Variants in PGM5 observed in about 807,000 individuals in gnomAD.
PGM5 encodes the protein phosphoglucomutase 5.
A neutral mutation model predicts 59.2 loss-of-function variants in PGM5; 23 were observed. The observed-to-expected ratio is 0.39, with a 90% CI of 0.28 to 0.55. The LOEUF is 0.55. Among genes scored for constraint, PGM5 ranks in the 20% least tolerant of loss-of-function variants. The pLI is 0.66. For synonymous variants in PGM5, 214 were observed against 286.0 expected, an observed-to-expected ratio of 0.75 and a Z score of 2.54; for missense variants, 574 against 748.3, an observed-to-expected ratio of 0.77 and a Z score of 2.72.
intron 10 of PGM5, among the ~76,000 whole-genome samples, chr9:68,499,636 G>C (rs1215526560): frequency 6.6e-6 from 1 of 152,160 alleles, no homozygotes; most frequent in Admixed American, 6.5e-5. Flanking sequence ...TTGTTAATTG[G>C]GGTAAAGAAA....
intron 10 of PGM5, among the ~76,000 whole-genome samples, chr9:68,516,755 G>A (rs1336652515): frequency 2.0e-5 from 3 of 152,208 alleles, no homozygotes; most frequent in Non-Finnish European, 2.9e-5. Context: ...TTTGCTTTGT[G>A]ACGTCCACCA....
chr9:68,362,869 T>TTC (rs1177989909), intron 1 of PGM5, among the ~76,000 whole-genome samples: 1 of 141,324 alleles, frequency 7.1e-6, no homozygotes, highest in Non-Finnish European at 1.5e-5. Context: ...CTTTTTCTTT[T>TTC]TTTTTTTTTT....
chr9:68,394,974 A>G (rs1554679845), intron 6 of PGM5, among the ~76,000 whole-genome samples: 3 of 152,238 alleles, frequency 2.0e-5, no homozygotes, highest in East Asian at 3.9e-4. Context: ...TTAAATTTTG[A>G]TGAAGTCCAG....
At chr9:68,490,480 G>A (rs781891478) in intron 9 of PGM5, among the ~76,000 whole-genome samples, 12 of 152,072 alleles carry the variant, frequency 7.9e-5, no homozygotes, top group Non-Finnish European at 1.3e-4. Context: ...TCAGCCCCCC[G>A]AGTAGCTGGG....
At chr9:68,392,566 C>T (rs1822393267) in intron 6 of PGM5, 93 bp downstream of exon 6, 1 of 1,557,856 alleles carries the variant, frequency 6.4e-7, no homozygotes. Context: ...TCCCCTGCTC[C>T]ATTTGGGAAT....
intron 6 of PGM5, among the ~76,000 whole-genome samples, chr9:68,445,539 G>A (rs1212530094): frequency 3.3e-5 from 5 of 152,266 alleles, no homozygotes; most frequent in South Asian, 2.1e-4. Flanking sequence ...GGGCTCCACC[G>A]CCTGCATATT....
intron 6 of PGM5, among the ~76,000 whole-genome samples, chr9:68,436,783 A>G (rs782176136): frequency 2.0e-5 from 3 of 152,248 alleles, no homozygotes; most frequent in Non-Finnish European, 4.4e-5. Context: ...TTTACAGAAG[A>G]TGAAACCAGA....
chr9:68,408,829 G>A (rs528055226), intron 6 of PGM5, among the ~76,000 whole-genome samples: 1 of 152,106 alleles, frequency 6.6e-6, no homozygotes, highest in Non-Finnish European at 1.5e-5. Context: ...TATTAAATAG[G>A]GAATCCTTTC....
At chr9:68,385,708 G>A (rs1554678795) in intron 3 of PGM5, among the ~76,000 whole-genome samples, 1 of 152,078 alleles carries the variant, frequency 6.6e-6, no homozygotes. Context: ...ATTACATATG[G>A]TTGGAAGGAC....
intron 7 of PGM5, among the ~76,000 whole-genome samples, chr9:68,465,548 C>T (rs562959351): frequency 3.3e-5 from 5 of 152,198 alleles, no homozygotes; most frequent in East Asian, 1.9e-4. Flanking sequence ...TACCCTCATC[C>T]GCAGGGGAAC....
intron 6 of PGM5, among the ~76,000 whole-genome samples, chr9:68,445,501 G>C (rs1388663550): frequency 2.0e-5 from 3 of 152,178 alleles, no homozygotes; most frequent in Non-Finnish European, 4.4e-5. Context: ...GAGGATGCTT[G>C]GAATACAGCA....
At chr9:68,373,977 A>G (rs1821807760) in intron 1 of PGM5, among the ~76,000 whole-genome samples, 1 of 152,264 alleles carries the variant, frequency 6.6e-6, no homozygotes, top group Non-Finnish European at 1.5e-5. Context: ...TTCTGTTCTC[A>G]TTCTCATACT....
rs75795991 is a variant in PGM5 at position 68,488,901 on chromosome 9, T to C, written c.1479+4853T>C. Among the ~76,000 whole-genome samples, 711 of 152,292 alleles carry C rather than the reference T, an allele frequency of 4.7e-3. 3 individuals carry two copies. Among genetic ancestry groups the C allele is most frequent in the Non-Finnish European group, 7.7e-3 (523 of 68,020 alleles). ...AGCTACAATGAGAATAGGGGAGCACTTTGATCAAATGGCTAAGTAGTTAAA... is the reference window on the plus strand; with the variant it reads ...AGCTACAATGAGAATAGGGGAGCACCTTGATCAAATGGCTAAGTAGTTAAA... On this transcript the variant is annotated intron_variant, in intron 9 of 10. Transcript: ENST00000396396.
intron 6 of PGM5, among the ~76,000 whole-genome samples, chr9:68,463,155 A>G (rs1300374955): frequency 1.3e-5 from 2 of 149,716 alleles, no homozygotes; most frequent in African/African-American, 2.5e-5. Context: ...GGAGGTGTTC[A>G]CCTTCCCATG....
chr9:68,443,886 G>A (rs1823569474), intron 6 of PGM5, among the ~76,000 whole-genome samples: 1 of 152,200 alleles, frequency 6.6e-6, no homozygotes, highest in Non-Finnish European at 1.5e-5. Context: ...CAGATGTAGT[G>A]TACATCAGGG....
intron 6 of PGM5, chr9:68,405,183 C>T (rs1554680999): frequency 6.6e-6 from 1 of 152,204 alleles, no homozygotes; most frequent in Non-Finnish European, 1.5e-5. Context: ...CTTTCACTGA[C>T]TCATTGATTC....
At chr9:68,462,252 T>G (rs924275381) in intron 6 of PGM5, among the ~76,000 whole-genome samples, 2 of 152,150 alleles carry the variant, frequency 1.3e-5, no homozygotes, top group East Asian at 3.9e-4. Context: ...GGAGAAGGGT[T>G]CAGCCCCTCA....
chr9:68,423,914 A>G (rs959355245), intron 6 of PGM5, among the ~76,000 whole-genome samples: 5 of 152,182 alleles, frequency 3.3e-5, no homozygotes, highest in Admixed American at 2.0e-4. Flanking sequence ...ATGTACCTAA[A>G]TGGGGAAGAC....
intron 6 of PGM5, among the ~76,000 whole-genome samples, chr9:68,414,437 T>C (rs1375038280): frequency 5.3e-5 from 8 of 152,160 alleles, no homozygotes; most frequent in South Asian, 2.1e-4. Context: ...ATTGGCTACT[T>C]TGTCATTTCA....
Sources: allele counts gnomAD v4.1 joint callset (sites outside exome capture counted in the v4.1 genomes callset), GRCh38; gene constraint gnomAD v4.1.1; transcripts MANE v1.5; gene names NCBI Gene and HGNC (gene_info 2026-07-23, HGNC 2026-07-21).